The following SLC4A4 variants were observed in gnomAD, a reference collection of about 807,000 sequenced individuals.
SLC4A4 encodes the protein solute carrier family 4 member 4, also known as electrogenic sodium bicarbonate cotransporter 1.
In SLC4A4, 27 loss-of-function variants were observed where a neutral mutation model predicts 111.5. That is an observed-to-expected ratio of 0.24 (90% confidence interval 0.18 to 0.33). The LOEUF is 0.33. SLC4A4 is among the 10% of genes least tolerant of loss of function. The probability of loss-of-function intolerance (pLI) is 1.00; values close to 1 mark genes in which losing one functional copy is unlikely to be tolerated. For synonymous variants in SLC4A4, 443 were observed against 463.4 expected, an observed-to-expected ratio of 0.96 and a Z score of 0.57; for missense variants, 909 against 1,315.5, an observed-to-expected ratio of 0.69 and a Z score of 4.78.
chr4:71,256,672 G>A (rs1017323900), intron 3 of SLC4A4, among the ~76,000 whole-genome samples: 1 of 152,166 alleles, frequency 6.6e-6, no homozygotes, highest in African/African-American at 2.4e-5. Context: ...TTTACATATC[G>A]ATTAAGGTAG....
chr4:71,358,634 A>G (rs1251987251), intron 6 of SLC4A4, among the ~76,000 whole-genome samples: 3 of 152,176 alleles, frequency 2.0e-5, no homozygotes, highest in Non-Finnish European at 4.4e-5. Flanking sequence ...TTTCTACTAC[A>G]GTTTGATGGT....
chr4:71,135,946 C>A (rs1042961694), intron 2 of SLC4A4, among the ~76,000 whole-genome samples: 5 of 152,230 alleles, frequency 3.3e-5, no homozygotes, highest in African/African-American at 1.2e-4. Context: ...TTGGACTTTA[C>A]TGAAGCCCTC....
intron 6 of SLC4A4, among the ~76,000 whole-genome samples, chr4:71,380,986 A>G (rs1718084087): frequency 2.0e-5 from 3 of 152,284 alleles, no homozygotes; most frequent in South Asian, 2.1e-4. Context: ...ATTTTCTGCA[A>G]TGGTTCTGTT....
At position 71,567,931 on chromosome 4, in the gene SLC4A4, T is replaced by A; in HGVS notation, c.*180T>A. 1 of 1,182,714 alleles carries A rather than the reference T, an allele frequency of 8.5e-7. No individual in the cohort carries two copies. Among genetic ancestry groups the A allele is most frequent in the Non-Finnish European group, 1.2e-6 (1 of 827,904 alleles). 73.3% of individuals were successfully genotyped at this position (1,182,714 alleles called of 1,614,324 possible). On this transcript the variant is annotated 3_prime_UTR_variant, in exon 26 of 26. Transcript: ENST00000264485. Reference sequence around the variant, plus strand: ...TCTTAAAACTGACATTTGTTGTTAATGTCATTTGTTTTTGTTTGGCTGTTT... The same window carrying A: ...TCTTAAAACTGACATTTGTTGTTAAAGTCATTTGTTTTTGTTTGGCTGTTT...
At chr4:71,289,535 A>C (rs983657630) in intron 3 of SLC4A4, among the ~76,000 whole-genome samples, 2 of 152,232 alleles carry the variant, frequency 1.3e-5, no homozygotes, top group African/African-American at 4.8e-5. Context: ...GAACGTGTAC[A>C]TCCAACACAA....
chr4:71,530,187 C>T (rs970151228), intron 16 of SLC4A4, among the ~76,000 whole-genome samples: 12 of 152,040 alleles, frequency 7.9e-5, no homozygotes, highest in African/African-American at 2.9e-4. Context: ...TCAAAGACCA[C>T]CTGACAGTAG....
chr4:71,515,364 A>G (rs12641317), intron 16 of SLC4A4, among the ~76,000 whole-genome samples: 61,932 of 151,950 alleles, frequency 0.41, 15,162 homozygotes, highest in African/African-American at 0.64. Flanking sequence ...ATTTTGTGAA[A>G]ATTTTTAGAA....
At chr4:71,343,448 G>A (rs1729051305) in intron 4 of SLC4A4, among the ~76,000 whole-genome samples, 1 of 152,084 alleles carries the variant, frequency 6.6e-6, no homozygotes, top group African/African-American at 2.4e-5. Flanking sequence ...GGGCTAATAG[G>A]ATTCTCAAAA....
At chr4:71,550,224 A>G (rs1334190912) in intron 20 of SLC4A4, among the ~76,000 whole-genome samples, 1 of 152,002 alleles carries the variant, frequency 6.6e-6, no homozygotes, top group Non-Finnish European at 1.5e-5. Flanking sequence ...TTTAAAAACA[A>G]CAAGAATAAA....
At chr4:71,193,482 T>A (rs1745847723) in intron 1 of SLC4A4, among the ~76,000 whole-genome samples, 1 of 152,150 alleles carries the variant, frequency 6.6e-6, no homozygotes, top group South Asian at 2.1e-4. Flanking sequence ...CAGTTGTGTG[T>A]TTTCCCAGTT....
intron 16 of SLC4A4, among the ~76,000 whole-genome samples, chr4:71,529,430 T>C (rs964378964): frequency 6.6e-6 from 1 of 150,980 alleles, no homozygotes; most frequent in Admixed American, 6.6e-5. Context: ...CTTGGAATCA[T>C]GCGTCTTGAT....
At chr4:71,542,691 G>A (rs1453480) in intron 18 of SLC4A4, among the ~76,000 whole-genome samples, 8 of 151,872 alleles carry the variant, frequency 5.3e-5, no homozygotes, top group East Asian at 1.9e-4. Flanking sequence ...CTGACTTTGC[G>A]CTAAGTTGGG....
At chr4:71,096,119 G>C (rs1742539493) in intron 2 of SLC4A4, among the ~76,000 whole-genome samples, 1 of 152,118 alleles carries the variant, frequency 6.6e-6, no homozygotes, top group Non-Finnish European at 1.5e-5. Flanking sequence ...TTAAATTTTG[G>C]CAGGAGGAAG....
intron 20 of SLC4A4, among the ~76,000 whole-genome samples, chr4:71,554,062 C>G (rs1287689005): frequency 6.6e-6 from 1 of 151,844 alleles, no homozygotes; most frequent in African/African-American, 2.4e-5. Context: ...TTAGAATTTA[C>G]TCATTCTCTA....
chr4:71,311,902 A>C (rs1013513292), intron 3 of SLC4A4, among the ~76,000 whole-genome samples: 12 of 148,680 alleles, frequency 8.1e-5, no homozygotes, highest in African/African-American at 2.5e-4. Flanking sequence ...AGAGAGAGAG[A>C]GAGAGAGAGA....
At chr4:71,371,545 A>G (rs1731886554) in intron 6 of SLC4A4, among the ~76,000 whole-genome samples, 1 of 152,134 alleles carries the variant, frequency 6.6e-6, no homozygotes, top group Non-Finnish European at 1.5e-5. Flanking sequence ...CACATGGCCC[A>G]GGAATGCCTT....
intron 9 of SLC4A4, 85 bp from the exon 10 acceptor site, chr4:71,450,304 T>C (rs1373746454): frequency 7.3e-6 from 7 of 953,772 alleles, no homozygotes; most frequent in Non-Finnish European, 1.2e-5. Context: ...ACAGTTGTTA[T>C]GGGCTGCATT....
intron 12 of SLC4A4, among the ~76,000 whole-genome samples, chr4:71,457,360 G>T (rs1162154010): frequency 2.6e-5 from 4 of 152,100 alleles, no homozygotes; most frequent in African/African-American, 4.8e-5. Flanking sequence ...TACACATTTT[G>T]CCCATTAGGC....
chr4:71,131,842 C>T (rs1743714948), intron 2 of SLC4A4, among the ~76,000 whole-genome samples: 1 of 152,174 alleles, frequency 6.6e-6, no homozygotes, highest in Non-Finnish European at 1.5e-5. Context: ...GGGACAAGCT[C>T]TACCCTGTGC....
Sources: allele counts gnomAD v4.1 joint callset (sites outside exome capture counted in the v4.1 genomes callset), GRCh38; gene constraint gnomAD v4.1.1; transcripts MANE v1.5; gene names NCBI Gene and HGNC (gene_info 2026-07-23, HGNC 2026-07-21).